Variants in ZNF117 observed in about 807,000 individuals in gnomAD.
ZNF117 encodes the protein zinc finger protein 117.
In ZNF117, 37 loss-of-function variants were observed where a neutral mutation model predicts 41.2. The observed-to-expected ratio is 0.90, with a 90% confidence interval of 0.69 to 1.18. The LOEUF is 1.18. ZNF117 is among the 50% of genes most tolerant of loss of function. The probability of loss-of-function intolerance (pLI) is 0.00; values close to 1 mark genes in which losing one functional copy is unlikely to be tolerated. For synonymous variants in ZNF117, 186 were observed against 186.6 expected (o/e 1.00, Z 0.02); for missense variants, 546 against 557.5 (o/e 0.98, Z 0.21).
upstream of ZNF117, among the ~76,000 whole-genome samples, chr7:64,985,746 G>A (rs947749844): frequency 9.2e-5 from 14 of 152,040 alleles, no homozygotes; most frequent in East Asian, 1.9e-4. Flanking sequence ...GAATCATGAG[G>A]TCAGGAGTTT....
chr7:64,981,329 C>T (rs1017641287), intron 2 of ZNF117, 58 bp downstream of exon 3: 7 of 1,595,978 alleles, frequency 4.4e-6, no homozygotes, highest in Non-Finnish European at 6.0e-6. Flanking sequence ...TAAGCTGTGG[C>T]CTTCTCCTTG....
At chr7:64,977,819 G>A (rs915537612) in exon 3 of ZNF117, 49 of 1,061,458 alleles carry the variant, frequency 4.6e-5, no homozygotes, top group Non-Finnish European at 6.8e-5. Context: ...CACATTTGTA[G>A]GGTTTCTCTC....
chr7:64,972,616 G>A (rs1785800542), downstream of ZNF117: 1 of 152,000 alleles, frequency 6.6e-6, no homozygotes, highest in African/African-American at 2.4e-5. Flanking sequence ...GAGTAAAGTG[G>A]TGACCACCAG....
chr7:64,979,605 C>T, intron 2 of ZNF117, 69 bp from the exon 4 acceptor site: 1 of 1,243,758 alleles, frequency 8.0e-7, no homozygotes, highest in Non-Finnish European at 1.1e-6. Flanking sequence ...ACAAATCTAA[C>T]CCATAAAGTT....
exon 3 of ZNF117, chr7:64,979,289 T>G (rs758689078): frequency 2.5e-6 from 4 of 1,588,830 alleles, no homozygotes; most frequent in Non-Finnish European, 3.4e-6. Context: ...TATTTGAATT[T>G]GAAATTTTAT....
At chr7:64,990,645 C>T (rs1489271257) in exon 1 of ZNF117, 1 of 152,244 alleles carries the variant, frequency 6.6e-6, no homozygotes, top group Admixed American at 6.5e-5. Context: ...CAAGAACTTA[C>T]AAAATCTTTA....
chr7:64,972,624 C>T (rs2129117207), downstream of ZNF117: 1 of 151,890 alleles, frequency 6.6e-6, no homozygotes, highest in East Asian at 1.9e-4. Flanking sequence ...TGGTGACCAC[C>T]AGACACCAAG....
intron 2 of ZNF117, chr7:64,980,649 CAAG>C (rs1420542645): frequency 2.0e-5 from 3 of 151,776 alleles, no homozygotes; most frequent in African/African-American, 7.3e-5. Context: ...AAGTCACAGA[CAAG>C]AGAATATTGT....
At chr7:64,984,297 A>G (rs528432797), upstream of ZNF117, among the ~76,000 whole-genome samples, 25 of 152,186 alleles carry the variant, frequency 1.6e-4, 1 homozygote, top group Middle Eastern at 3.4e-3. Context: ...ACGCCCAACT[A>G]ATTTTTGTAT....
At chr7:64,979,521 A>C in exon 3 of ZNF117, 1 of 1,488,736 alleles carries the variant, frequency 6.7e-7, no homozygotes, top group Non-Finnish European at 8.9e-7. Flanking sequence ...GTGTTGGGCA[A>C]AATAATAAAA....
chr7:64,979,195 G>A lies in ZNF117; in HGVS notation c.376C>T (p.Gln126Ter). 3.7e-6 allele frequency: 6 copies of A among 1,607,868 alleles called. No individual in the cohort carries two copies. The highest frequency in any genetic ancestry group is 5.1e-6 in the Non-Finnish European group (6 of 1,177,846). Residue 126 changes from glutamine to a stop codon, truncating the protein, a stop_gained, in exon 3 of 3, where the codon CAA (glutamine) becomes TAA (stop). Coordinates refer to ENST00000620222, the Ensembl canonical transcript of ZNF117. LOFTEE classifies it high-confidence loss of function. ...ACTCTAGTTTGGATTCTTTTATGTT[G>A]AGTTAGGTGTGAAAGCATGCAAAAT...
Position 64,978,892 on chromosome 7 carries a change from C to T in ZNF117, c.679G>A (p.Val227Ile), listed in dbSNP as rs933267427. ...TTTGAGGCTTGGTTAAAAGCTCTAA[C>T]ACATTTCTCACATTTGTAGGGAATT... Residue 227 changes from valine to isoleucine, a missense_variant, in exon 3 of 3, where the codon GTT (valine) becomes ATT (isoleucine). By Grantham distance (29) the Val-to-Ile change is conservative. Coordinates refer to ENST00000620222, the Ensembl canonical transcript of ZNF117. 5.0e-6 allele frequency: 8 copies of T among 1,613,480 alleles called. No individual in the cohort carries two copies. The Admixed American group carries it at 8.3e-5, about 17-fold the overall frequency.
chr7:64,978,465 G>C (rs751891738), exon 3 of ZNF117: 2 of 1,613,352 alleles, frequency 1.2e-6, no homozygotes, highest in Middle Eastern at 1.7e-4. Flanking sequence ...CTGGTTAAAG[G>C]CTTTGCCACA....
rs1584049859 is a variant in ZNF117, at chr7:64,981,206, C to T, written c.34+181G>A. 8.1e-6 allele frequency: 6 copies of T among 740,110 alleles called. 1 individual carries two copies. The East Asian group carries it at 1.7e-4, about 21-fold the overall frequency. The allele number at this position is 740,110 out of a possible 1,614,324, so 45.8% of individuals were successfully genotyped here. On this transcript the variant is annotated intron_variant, in intron 2 of 2. Transcript: ENST00000620222. ...AGATCACTAAAGGGAAAGAGGAATC[C>T]TTAGAGAATTGAAAAACAATACAAA...
At chr7:64,982,228 G>T, upstream of ZNF117, 1 of 457,854 alleles carries the variant, frequency 2.2e-6, no homozygotes, top group South Asian at 3.2e-5. Context: ...AACTGGTTCT[G>T]ACTTATAGGA....
chr7:64,976,558 C>A (rs545057299), exon 3 of ZNF117: 55 of 194,786 alleles, frequency 2.8e-4, no homozygotes, highest in Admixed American at 2.7e-3. Flanking sequence ...ATGGCTTTTC[C>A]ACATTTATAT....
At chr7:64,983,319 A>G (rs1786070451), upstream of ZNF117, among the ~76,000 whole-genome samples, 1 of 152,060 alleles carries the variant, frequency 6.6e-6, no homozygotes, top group Non-Finnish European at 1.5e-5. Flanking sequence ...AACATTTTTC[A>G]TGTTGCAGAT....
upstream of ZNF117, chr7:64,982,266 T>C (rs1786048062): frequency 2.8e-6 from 1 of 356,606 alleles, no homozygotes. Context: ...TAAAAGAATT[T>C]TTAACACAGA....
upstream of ZNF117, among the ~76,000 whole-genome samples, chr7:64,983,091 G>A (rs1294848219): frequency 1.3e-5 from 2 of 152,160 alleles, no homozygotes; most frequent in African/African-American, 4.8e-5. Flanking sequence ...CTAAAGAGCA[G>A]GTATCTATCT....
Sources: gnomAD v4.1 joint callset for allele counts (sites outside exome capture counted in the v4.1 genomes callset) on GRCh38, gnomAD v4.1.1 for gene constraint, MANE v1.5 for transcripts, NCBI Gene and HGNC (gene_info 2026-07-23, HGNC 2026-07-21) for gene names.